Variants in PARN observed in about 807,000 individuals in gnomAD.
PARN encodes poly(A)-specific ribonuclease.
A neutral mutation model predicts 102.8 loss-of-function variants in PARN; 71 were observed. The observed-to-expected ratio is 0.69, with a 90% CI of 0.57 to 0.84. PARN has a LOEUF of 0.84. Ranked by LOEUF, PARN falls within the 40% of genes least tolerant of loss-of-function variation. PARN has a pLI of 0.00. For synonymous variants in PARN, 261 were observed against 252.9 expected, an observed-to-expected ratio of 1.03 and a Z score of -0.30; for missense variants, 782 against 760.9, an observed-to-expected ratio of 1.03 and a Z score of -0.33.
intron 18 of PARN, among the ~76,000 whole-genome samples, chr16:14,565,491 A>G (rs886616641): frequency 6.6e-6 from 1 of 152,168 alleles, no homozygotes; most frequent in African/African-American, 2.4e-5. Flanking sequence ...ATCAAATTAC[A>G]TCAACTAAAA....
chr16:14,505,071 A>G (rs1964817606), intron 21 of PARN, among the ~76,000 whole-genome samples: 1 of 152,242 alleles, frequency 6.6e-6, no homozygotes, highest in African/African-American at 2.4e-5. Flanking sequence ...TTACCACATA[A>G]CAATGCAAGA....
At chr16:14,611,665 C>T (rs879513493) in intron 6 of PARN, among the ~76,000 whole-genome samples, 2 of 152,110 alleles carry the variant, frequency 1.3e-5, no homozygotes, top group African/African-American at 2.4e-5. Context: ...CTCAGCCTCC[C>T]GAGTAGCTGG....
chr16:14,540,984 G>T (rs755079499), intron 21 of PARN, among the ~76,000 whole-genome samples: 5 of 151,720 alleles, frequency 3.3e-5, no homozygotes, highest in Non-Finnish European at 7.4e-5. Flanking sequence ...TGCCATAAGG[G>T]TTACAACTAA....
chr16:14,593,084 C>T (rs1046875159), intron 13 of PARN, among the ~76,000 whole-genome samples: 12 of 151,988 alleles, frequency 7.9e-5, no homozygotes, highest in Non-Finnish European at 1.5e-5. Flanking sequence ...TGCAGCAAGC[C>T]AAGATTGCAC....
intron 23 of PARN, among the ~76,000 whole-genome samples, chr16:14,437,375 C>A: frequency 6.6e-6 from 1 of 152,142 alleles, no homozygotes; most frequent in East Asian, 1.9e-4. Flanking sequence ...GGGAAGCCAA[C>A]CAGTGGGGGT....
At chr16:14,604,349 C>T in intron 10 of PARN, 123 bp from the exon 11 acceptor site, 1 of 632,184 alleles carries the variant, frequency 1.6e-6, no homozygotes, top group East Asian at 2.8e-5. Flanking sequence ...CAAACTCCGC[C>T]TCCTGGGTTC....
intron 21 of PARN, among the ~76,000 whole-genome samples, chr16:14,543,198 C>T (rs1966852052): frequency 6.6e-6 from 1 of 152,068 alleles, no homozygotes; most frequent in South Asian, 2.1e-4. Context: ...AAGAAAAACC[C>T]AGAATTCTAT....
chr16:14,463,839 G>GC (rs1491138197), intron 22 of PARN, among the ~76,000 whole-genome samples: 1 of 54,592 alleles, frequency 1.8e-5, no homozygotes, highest in Non-Finnish European at 5.7e-5. Context: ...TTTTTTTTTT[G>GC]GGGGGGGGGG....
At chr16:14,481,768 C>T (rs1963397454) in intron 22 of PARN, among the ~76,000 whole-genome samples, 2 of 152,136 alleles carry the variant, frequency 1.3e-5, no homozygotes, top group Non-Finnish European at 2.9e-5. Flanking sequence ...CTAAACTTCA[C>T]AATTTTCTAT....
intron 21 of PARN, among the ~76,000 whole-genome samples, chr16:14,537,759 G>A (rs1469072875): frequency 6.6e-6 from 1 of 152,100 alleles, no homozygotes; most frequent in Non-Finnish European, 1.5e-5. Context: ...ATAATTGGGA[G>A]TATTAAAGGC....
At chr16:14,598,446 G>A (rs935436232) in intron 12 of PARN, among the ~76,000 whole-genome samples, 4 of 152,090 alleles carry the variant, frequency 2.6e-5, no homozygotes, top group African/African-American at 7.2e-5. Context: ...CTACAAAAGA[G>A]CTCAAAACCA....
intron 6 of PARN, among the ~76,000 whole-genome samples, chr16:14,612,667 G>A (rs1028972585): frequency 3.3e-5 from 5 of 150,536 alleles, no homozygotes; most frequent in African/African-American, 9.8e-5. Flanking sequence ...GCACGATCTC[G>A]GCTCACTGCA....
At chr16:14,559,175 T>C (rs1352920654) in intron 18 of PARN, among the ~76,000 whole-genome samples, 1 of 151,864 alleles carries the variant, frequency 6.6e-6, no homozygotes, top group South Asian at 2.1e-4. Flanking sequence ...AGGATTATAC[T>C]AACAAAGAAA....
chr16:14,500,276 T>A (rs1964517604), intron 21 of PARN, among the ~76,000 whole-genome samples: 1 of 152,218 alleles, frequency 6.6e-6, no homozygotes, highest in Non-Finnish European at 1.5e-5. Flanking sequence ...AGGGCTGGTC[T>A]TGAACTCCTG....
chr16:14,487,770 G>A (rs1269256418), intron 21 of PARN, among the ~76,000 whole-genome samples: 1 of 152,162 alleles, frequency 6.6e-6, no homozygotes, highest in African/African-American at 2.4e-5. Flanking sequence ...ACAAAGAAGG[G>A]GAGGGCATTT....
intron 21 of PARN, among the ~76,000 whole-genome samples, chr16:14,531,591 G>A (rs977376631): frequency 6.6e-6 from 1 of 152,118 alleles, no homozygotes; most frequent in Admixed American, 6.5e-5. Context: ...TAGAGTACAT[G>A]CAAAGACTAA....
chr16:14,555,764 T>G (rs1324473955), intron 18 of PARN, 55 bp from the exon 19 acceptor site: 8 of 898,244 alleles, frequency 8.9e-6, no homozygotes, highest in Non-Finnish European at 1.3e-5. Context: ...AAGACAGGCA[T>G]TTTGCATTTT....
chr16:14,474,159 A>C (rs1374280467), intron 22 of PARN, among the ~76,000 whole-genome samples: 3 of 146,168 alleles, frequency 2.1e-5, no homozygotes, highest in East Asian at 2.2e-4. Flanking sequence ...TGCCTGGCTA[A>C]TTTTTGTTTG....
intron 22 of PARN, among the ~76,000 whole-genome samples, chr16:14,465,506 G>C (rs1457231537): frequency 6.6e-6 from 1 of 152,066 alleles, no homozygotes; most frequent in Non-Finnish European, 1.5e-5. Context: ...TTGGGAGCTG[G>C]GAAATTTAAG....
Sources: gnomAD v4.1 joint callset for allele counts (sites outside exome capture counted in the v4.1 genomes callset) on GRCh38, gnomAD v4.1.1 for gene constraint, MANE v1.5 for transcripts, NCBI Gene and HGNC (gene_info 2026-07-23, HGNC 2026-07-21) for gene names.